Variants in IL1RAPL2 observed in about 807,000 individuals in gnomAD.
IL1RAPL2 encodes the protein X-linked interleukin-1 receptor accessory protein-like 2.
Under a neutral mutation model 44.1 loss-of-function variants are expected in IL1RAPL2, and 3 were observed. The ratio of observed to expected loss-of-function variants is 0.07; its 90% CI spans 0.03 to 0.18. IL1RAPL2 has a LOEUF of 0.18. Ranked by LOEUF, IL1RAPL2 falls within the 10% of genes least tolerant of loss-of-function variation. The pLI, the probability that IL1RAPL2 is intolerant of heterozygous loss-of-function variation, is 1.00. For missense variants in IL1RAPL2, 391 were observed against 496.4 expected (o/e 0.79, Z 2.02); for synonymous variants, 181 against 178.8 (o/e 1.01, Z -0.10).
At chrX:104,881,002 T>G (rs1337387745) in intron 2 of IL1RAPL2, among the ~76,000 whole-genome samples, 1 of 111,813 alleles carries the variant, frequency 8.9e-6, no homozygotes, top group Non-Finnish European at 1.9e-5. Flanking sequence ...TAGTATAGTT[T>G]AACAGCACTA....
chrX:105,516,734 AAC>A (rs760000574), intron 6 of IL1RAPL2, among the ~76,000 whole-genome samples: 1 of 112,083 alleles, frequency 8.9e-6, no homozygotes, highest in South Asian at 3.7e-4. Flanking sequence ...CAGTCACTAA[AAC>A]ACTTTTTATC....
intron 5 of IL1RAPL2, among the ~76,000 whole-genome samples, chrX:105,460,308 C>A (rs1175930372): frequency 9.0e-6 from 1 of 110,738 alleles, no homozygotes; most frequent in Admixed American, 9.7e-5. Context: ...TATCGTATGT[C>A]TTATTGTAAA....
chrX:104,603,393 TCTC>T (rs1266731575), intron 1 of IL1RAPL2, among the ~76,000 whole-genome samples: 1 of 111,378 alleles, frequency 9.0e-6, no homozygotes, highest in South Asian at 3.8e-4. Flanking sequence ...GAACGCCTCT[TCTC>T]CTCCAAAGGA....
chrX:104,578,968 TATC>T (rs1345937259), intron 1 of IL1RAPL2, among the ~76,000 whole-genome samples: 1 of 111,939 alleles, frequency 8.9e-6, no homozygotes. Context: ...AACTGGTTAT[TATC>T]TTCTGTATTA....
chrX:104,690,377 C>T (rs1313867364), intron 2 of IL1RAPL2, among the ~76,000 whole-genome samples: 1 of 112,246 alleles, frequency 8.9e-6, no homozygotes, highest in Admixed American at 9.5e-5. Context: ...AAAAATATGC[C>T]TTAGTTTCCC....
intron 2 of IL1RAPL2, among the ~76,000 whole-genome samples, chrX:104,792,972 T>G (rs768156593): frequency 8.9e-6 from 1 of 112,347 alleles, no homozygotes; most frequent in African/African-American, 3.2e-5. Flanking sequence ...TCAAAATTTA[T>G]TAAAAGTTTG....
At chrX:105,030,917 A>C (rs1270536583) in intron 2 of IL1RAPL2, among the ~76,000 whole-genome samples, 45 of 110,780 alleles carry the variant, frequency 4.1e-4, no homozygotes, top group African/African-American at 1.4e-3. Context: ...CTTTTATTTC[A>C]CTGAGCAGTG....
intron 2 of IL1RAPL2, among the ~76,000 whole-genome samples, chrX:104,789,031 G>A (rs1932812839): frequency 8.9e-6 from 1 of 112,114 alleles, no homozygotes; most frequent in Admixed American, 9.5e-5. Flanking sequence ...CATATATTAA[G>A]TGGCTCAATA....
At chrX:105,599,607 A>G (rs1332729526) in intron 6 of IL1RAPL2, among the ~76,000 whole-genome samples, 1 of 111,452 alleles carries the variant, frequency 9.0e-6, no homozygotes, top group African/African-American at 3.3e-5. Flanking sequence ...ATTATATTTC[A>G]ATCTTTTTTT....
At chrX:104,739,045 G>T (rs1313431026) in intron 2 of IL1RAPL2, among the ~76,000 whole-genome samples, 1 of 111,610 alleles carries the variant, frequency 9.0e-6, no homozygotes, top group African/African-American at 3.3e-5. Context: ...TGGGTTCTAA[G>T]AGGGAGCAAT....
intron 5 of IL1RAPL2, among the ~76,000 whole-genome samples, chrX:105,306,734 A>T (rs1272174246): frequency 1.8e-5 from 2 of 111,206 alleles, no homozygotes; most frequent in African/African-American, 3.3e-5. Context: ...GGTTTGTCTG[A>T]ACGTTGGTGT....
chrX:104,658,814 A>C (rs1284996737), intron 1 of IL1RAPL2, 81 bp from the exon 2 acceptor site: 1 of 621,205 alleles, frequency 1.6e-6, no homozygotes, highest in East Asian at 3.3e-5. Context: ...GGAGTTTTGA[A>C]AAATGTAAAA....
At chrX:105,153,795 C>G (rs1046174863) in intron 2 of IL1RAPL2, among the ~76,000 whole-genome samples, 1 of 110,996 alleles carries the variant, frequency 9.0e-6, no homozygotes, top group East Asian at 2.9e-4. Flanking sequence ...GAAGTCAGCT[C>G]GAGTGAAGAT....
At chrX:104,604,595 T>A (rs1293932488) in intron 1 of IL1RAPL2, among the ~76,000 whole-genome samples, 2 of 47,506 alleles carry the variant, frequency 4.2e-5, no homozygotes, top group African/African-American at 9.6e-5. Context: ...AGGCTCAAAA[T>A]AAAGGGATGG....
chrX:105,681,248 G>T (rs766420362), intron 6 of IL1RAPL2, among the ~76,000 whole-genome samples: 128 of 110,973 alleles, frequency 1.2e-3, no homozygotes, highest in Non-Finnish European at 2.2e-3. Flanking sequence ...TGCTTTGGGG[G>T]AGAACAAGGA....
chrX:104,700,520 C>T (rs1474233058), intron 2 of IL1RAPL2, among the ~76,000 whole-genome samples: 1 of 111,796 alleles, frequency 8.9e-6, no homozygotes, highest in Non-Finnish European at 1.9e-5. Flanking sequence ...TCTTTTCAGT[C>T]TCACTTCTCA....
At chrX:104,574,765 A>G (rs1054901526) in intron 1 of IL1RAPL2, among the ~76,000 whole-genome samples, 3 of 112,187 alleles carry the variant, frequency 2.7e-5, no homozygotes, top group Non-Finnish European at 5.6e-5. Flanking sequence ...ATATCCATAA[A>G]TATAATTTAA....
At chrX:104,721,755 G>A (rs1279885853) in intron 2 of IL1RAPL2, among the ~76,000 whole-genome samples, 1 of 111,291 alleles carries the variant, frequency 9.0e-6, no homozygotes, top group Non-Finnish European at 1.9e-5. Context: ...ACATAGAACT[G>A]TGTAATTTAA....
At chrX:105,512,542 C>A (rs930733210) in intron 6 of IL1RAPL2, among the ~76,000 whole-genome samples, 1 of 111,315 alleles carries the variant, frequency 9.0e-6, no homozygotes, top group African/African-American at 3.3e-5. Context: ...AGAAATCTTA[C>A]AAAGGTGTAA....
Sources: allele counts gnomAD v4.1 joint callset (sites outside exome capture counted in the v4.1 genomes callset), GRCh38; gene constraint gnomAD v4.1.1; transcripts MANE v1.5; gene names NCBI Gene and HGNC (gene_info 2026-07-23, HGNC 2026-07-21).